The following ARHGAP15 variants were observed in gnomAD, a reference collection of about 807,000 sequenced individuals.
The protein encoded by ARHGAP15 is rho GTPase-activating protein 15.
A neutral mutation model predicts 63.7 loss-of-function variants in ARHGAP15; 51 were observed. The observed-to-expected ratio is 0.80, with a 90% CI of 0.64 to 1.01. The LOEUF is 1.01. ARHGAP15 is among the 50% of genes least tolerant of loss of function. The pLI, the probability that ARHGAP15 is intolerant of heterozygous loss-of-function variation, is 0.00. For missense variants in ARHGAP15, 560 were observed against 564.6 expected (o/e 0.99, Z 0.08); for synonymous variants, 191 against 193.8 (o/e 0.99, Z 0.12).
chr2:143,624,602 T>C lies in ARHGAP15; in HGVS notation c.1138+335T>C, dbSNP rs572523431. Among the ~76,000 whole-genome samples, 12 of 152,252 alleles carry C rather than the reference T, an allele frequency of 7.9e-5. No individual in the cohort carries two copies. The South Asian group carries it at 2.3e-3, about 29-fold the overall frequency. ...CACCCCTCATCTCTGCCTTTATACT[T>C]TCAGAATTGCAATGAGTTTGAATAC... On this transcript the variant is annotated intron_variant, in intron 12 of 13. Transcript: ENST00000295095.
At chr2:143,242,117 T>G (rs1266712501) in intron 5 of ARHGAP15, among the ~76,000 whole-genome samples, 2 of 152,132 alleles carry the variant, frequency 1.3e-5, no homozygotes, top group South Asian at 2.1e-4. Context: ...GCCTCAGCCA[T>G]GGGAGGCTAC....
At chr2:143,148,999 A>G (rs1689705907) in intron 1 of ARHGAP15, among the ~76,000 whole-genome samples, 1 of 152,084 alleles carries the variant, frequency 6.6e-6, no homozygotes, top group East Asian at 1.9e-4. Context: ...AGGTTGTGGC[A>G]CACATTACTG....
intron 5 of ARHGAP15, among the ~76,000 whole-genome samples, chr2:143,242,582 A>C (rs893941984): frequency 1.3e-5 from 2 of 152,220 alleles, no homozygotes; most frequent in South Asian, 4.1e-4. Flanking sequence ...TCTAGTGCCC[A>C]CAATCACTAA....
chr2:143,606,411 A>G (rs1312308416), intron 11 of ARHGAP15, among the ~76,000 whole-genome samples: 1 of 152,204 alleles, frequency 6.6e-6, no homozygotes, highest in African/African-American at 2.4e-5. Flanking sequence ...TCTGTAATGC[A>G]CTATATCAAT....
intron 6 of ARHGAP15, among the ~76,000 whole-genome samples, chr2:143,424,382 T>A (rs1000243366): frequency 3.3e-5 from 5 of 152,154 alleles, no homozygotes; most frequent in African/African-American, 1.2e-4. Context: ...AAATCTAATT[T>A]TTTTTAAAAA....
chr2:143,489,013 C>T (rs893994881), intron 9 of ARHGAP15, among the ~76,000 whole-genome samples: 4 of 152,178 alleles, frequency 2.6e-5, no homozygotes, highest in African/African-American at 9.7e-5. Flanking sequence ...TAGAATTCAT[C>T]CTATAGATGA....
chr2:143,720,524 G>A (rs1261967329), intron 13 of ARHGAP15, among the ~76,000 whole-genome samples: 1 of 152,070 alleles, frequency 6.6e-6, no homozygotes, highest in Admixed American at 6.5e-5. Context: ...CTCTATCGAC[G>A]CAGATGCACC....
intron 6 of ARHGAP15, among the ~76,000 whole-genome samples, chr2:143,352,303 G>A (rs1685607725): frequency 6.6e-6 from 1 of 152,062 alleles, no homozygotes; most frequent in African/African-American, 2.4e-5. Flanking sequence ...TTGTTAAGAA[G>A]CTACTACCAG....
intron 6 of ARHGAP15, among the ~76,000 whole-genome samples, chr2:143,395,701 A>C (rs979059499): frequency 6.6e-6 from 1 of 152,084 alleles, no homozygotes; most frequent in African/African-American, 2.4e-5. Context: ...CAGATAGAAA[A>C]AGTATCTCAT....
chr2:143,621,967 T>C (rs899953211), intron 11 of ARHGAP15, among the ~76,000 whole-genome samples: 2 of 152,098 alleles, frequency 1.3e-5, no homozygotes, highest in Non-Finnish European at 2.9e-5. Context: ...CATTTTGTGT[T>C]GGACTTTTCT....
At chr2:143,218,590 T>A (rs1449952694) in intron 4 of ARHGAP15, among the ~76,000 whole-genome samples, 1 of 152,238 alleles carries the variant, frequency 6.6e-6, no homozygotes, top group Admixed American at 6.5e-5. Context: ...AACATTTTTG[T>A]ATCATAAACC....
intron 6 of ARHGAP15, among the ~76,000 whole-genome samples, chr2:143,414,978 T>A (rs908085869): frequency 6.6e-6 from 1 of 152,082 alleles, no homozygotes. Context: ...GAGAATTGAA[T>A]AACCAGAAAA....
chr2:143,500,467 A>G (rs1693007098), intron 9 of ARHGAP15, among the ~76,000 whole-genome samples: 1 of 152,124 alleles, frequency 6.6e-6, no homozygotes, highest in Non-Finnish European at 1.5e-5. Context: ...GTTAATTACA[A>G]TTTGTGGAAT....
At chr2:143,293,187 C>G (rs929743382) in intron 6 of ARHGAP15, among the ~76,000 whole-genome samples, 5 of 151,938 alleles carry the variant, frequency 3.3e-5, no homozygotes, top group Non-Finnish European at 4.4e-5. Flanking sequence ...TATTATTAAT[C>G]AAGAAGACAC....
intron 13 of ARHGAP15, among the ~76,000 whole-genome samples, chr2:143,729,587 C>T (rs900709741): frequency 1.1e-4 from 17 of 152,128 alleles, no homozygotes; most frequent in African/African-American, 4.1e-4. Context: ...CCCTGTAATG[C>T]TAGAAGCTGG....
chr2:143,648,917 TA>T (rs1391485472), intron 12 of ARHGAP15: 3 of 151,934 alleles, frequency 2.0e-5, no homozygotes, highest in African/African-American at 7.2e-5. Context: ...TTCAACTATA[TA>T]AAAGAGGGTC....
At chr2:143,618,826 T>C (rs904032000) in intron 11 of ARHGAP15, among the ~76,000 whole-genome samples, 8 of 133,020 alleles carry the variant, frequency 6.0e-5, no homozygotes, top group Non-Finnish European at 1.2e-4. Flanking sequence ...AGGAAAGGGG[T>C]AAACTCCTTT....
At chr2:143,185,880 C>G (rs1367520886) in intron 2 of ARHGAP15, among the ~76,000 whole-genome samples, 2 of 152,112 alleles carry the variant, frequency 1.3e-5, no homozygotes, top group Admixed American at 6.6e-5. Flanking sequence ...CATCTTAGTC[C>G]TTTTCTTCTT....
chr2:143,562,646 A>C (rs1292733273), intron 11 of ARHGAP15, among the ~76,000 whole-genome samples: 1 of 152,188 alleles, frequency 6.6e-6, no homozygotes, highest in Non-Finnish European at 1.5e-5. Context: ...TGAAAAGATC[A>C]CTTGATCATA....
Sources: allele counts gnomAD v4.1 joint callset (sites outside exome capture counted in the v4.1 genomes callset), GRCh38; gene constraint gnomAD v4.1.1; transcripts MANE v1.5; gene names NCBI Gene and HGNC (gene_info 2026-07-23, HGNC 2026-07-21).